The following ROBO1 variants were observed in gnomAD, a reference collection of about 807,000 sequenced individuals.
The protein encoded by ROBO1 is roundabout guidance receptor 1.
ROBO1 carries 149 observed loss-of-function variants against 195.9 expected under a neutral mutation model. The observed-to-expected ratio is 0.76, with a 90% CI of 0.67 to 0.87. ROBO1 has a LOEUF of 0.87. Ranked by LOEUF, ROBO1 falls within the 40% of genes least tolerant of loss-of-function variation. ROBO1 has a pLI of 0.00. For missense variants in ROBO1, 1,933 were observed against 2,068.3 expected (o/e 0.93, Z 1.27); for synonymous variants, 816 against 733.2 (o/e 1.11, Z -1.82).
chr3:78,765,670 T>C (rs2083212312), intron 4 of ROBO1, among the ~76,000 whole-genome samples: 1 of 152,178 alleles, frequency 6.6e-6, no homozygotes, highest in Admixed American at 6.5e-5. Context: ...AAATGCTGTG[T>C]ACTGTAAGAT....
chr3:79,320,697 A>G (rs2033942924), intron 2 of ROBO1, among the ~76,000 whole-genome samples: 1 of 151,962 alleles, frequency 6.6e-6, no homozygotes, highest in Admixed American at 6.6e-5. Flanking sequence ...TATTTTAAAG[A>G]CTCTATTGAT....
At chr3:79,223,409 G>A (rs996643498) in intron 2 of ROBO1, among the ~76,000 whole-genome samples, 3 of 152,000 alleles carry the variant, frequency 2.0e-5, no homozygotes, top group African/African-American at 7.3e-5. Flanking sequence ...TATTATTCGA[G>A]TAAAAGCTAG....
At chr3:79,294,420 C>G (rs562518335) in intron 2 of ROBO1, among the ~76,000 whole-genome samples, 82 of 152,238 alleles carry the variant, frequency 5.4e-4, no homozygotes, top group Middle Eastern at 3.4e-3. Context: ...AACTGGAACC[C>G]TTCCTTACAC....
chr3:78,761,162 G>A (rs1023065143), intron 4 of ROBO1, among the ~76,000 whole-genome samples: 7 of 151,888 alleles, frequency 4.6e-5, no homozygotes, highest in Non-Finnish European at 1.0e-4. Context: ...TTATAATGAG[G>A]AATAAACGGT....
rs545322379 is a variant in ROBO1, at chr3:78,606,209, T to C, written c.4744+524A>G. Among the ~76,000 whole-genome samples, 245 of 152,312 alleles carry C rather than the reference T, an allele frequency of 1.6e-3. 1 individual carries two copies. Among genetic ancestry groups the C allele is most frequent in the Non-Finnish European group, 2.7e-3 (181 of 68,024 alleles). ...CCTAACCACCTTTCTAGTTTTATTT[T>C]TCACCCAGGCTACAGAACAGTTGTG... On this transcript the variant is annotated intron_variant, in intron 29 of 30. Transcript: ENST00000464233.
chr3:78,953,693 C>T (rs534034782), intron 3 of ROBO1, among the ~76,000 whole-genome samples: 40 of 152,082 alleles, frequency 2.6e-4, no homozygotes, highest in Non-Finnish European at 4.4e-4. Context: ...GTAATTAAAA[C>T]TAGAGACTGG....
At chr3:79,570,304 T>C (rs1358917073) in intron 2 of ROBO1, among the ~76,000 whole-genome samples, 1 of 151,350 alleles carries the variant, frequency 6.6e-6, no homozygotes, top group Non-Finnish European at 1.5e-5. Flanking sequence ...AAAAAAACTG[T>C]TTTCTAATTG....
At chr3:78,787,614 A>G (rs572040052) in intron 4 of ROBO1, among the ~76,000 whole-genome samples, 1 of 152,346 alleles carries the variant, frequency 6.6e-6, no homozygotes, top group Non-Finnish European at 1.5e-5. Context: ...TTAGACTTAC[A>G]TATAATACCA....
intron 1 of ROBO1, among the ~76,000 whole-genome samples, chr3:79,697,103 T>C (rs1388350298): frequency 1.3e-5 from 2 of 151,382 alleles, no homozygotes; most frequent in African/African-American, 4.8e-5. Context: ...ACATGGTCCA[T>C]ATGGGTTCTC....
At chr3:78,860,735 T>C (rs1397405008) in intron 4 of ROBO1, among the ~76,000 whole-genome samples, 2 of 152,082 alleles carry the variant, frequency 1.3e-5, no homozygotes, top group Admixed American at 6.5e-5. Context: ...TCCAGAACCC[T>C]TGAGGTATAA....
intron 4 of ROBO1, among the ~76,000 whole-genome samples, chr3:78,815,887 C>T (rs1462799870): frequency 6.6e-6 from 1 of 152,146 alleles, no homozygotes; most frequent in Non-Finnish European, 1.5e-5. Flanking sequence ...TAAATTTCTT[C>T]CAAACTCCTG....
At chr3:79,251,677 G>A (rs144945742) in intron 2 of ROBO1, among the ~76,000 whole-genome samples, 70 of 152,224 alleles carry the variant, frequency 4.6e-4, no homozygotes, top group Middle Eastern at 6.8e-3. Flanking sequence ...CTTGAACCTG[G>A]AAGGCAGAGT....
chr3:79,470,078 C>T (rs772185990), intron 2 of ROBO1, among the ~76,000 whole-genome samples: 2 of 152,000 alleles, frequency 1.3e-5, no homozygotes, highest in Admixed American at 6.6e-5. Flanking sequence ...CATATGTATA[C>T]TAAATCGTGC....
In ROBO1 at chr3:78,600,105, A is replaced by G. The variant is rs771107090; in HGVS notation, c.4941+8T>C. The G allele has an allele frequency of 6.2e-7, 1 of 1,607,478 alleles. No homozygotes were observed. The highest frequency in any genetic ancestry group is 8.5e-7 in the Non-Finnish European group (1 of 1,174,654). ...ACATTGGTAAACTTGGGGAAAAATT[A>G]TAGATACCTCTAATTCTTCATTATT... On this transcript the variant is annotated splice_region_variant and intron_variant, in intron 30 of 30. Coordinates refer to ENST00000464233, the MANE Select transcript of ROBO1 (RefSeq NM_002941.4).
At chr3:79,370,823 C>T (rs2036165707) in intron 2 of ROBO1, among the ~76,000 whole-genome samples, 1 of 151,956 alleles carries the variant, frequency 6.6e-6, no homozygotes, top group African/African-American at 2.4e-5. Flanking sequence ...TGTCCTAATG[C>T]TCTCTCTCCC....
intron 3 of ROBO1, among the ~76,000 whole-genome samples, chr3:79,073,115 A>G (rs2079115829): frequency 1.3e-5 from 2 of 152,152 alleles, no homozygotes; most frequent in Non-Finnish European, 2.9e-5. Flanking sequence ...GCACAGCAAG[A>G]TAACATTTGG....
chr3:79,278,377 A>AAAACAAACAAAC (rs113781391), intron 2 of ROBO1, among the ~76,000 whole-genome samples: 130 of 150,984 alleles, frequency 8.6e-4, no homozygotes, highest in African/African-American at 3.1e-3. Flanking sequence ...AGCAAAAACA[A>AAAACAAACAAAC]AAACAAACAA....
chr3:79,315,051 T>A (rs760172737), intron 2 of ROBO1, among the ~76,000 whole-genome samples: 2 of 152,204 alleles, frequency 1.3e-5, no homozygotes, highest in Non-Finnish European at 2.9e-5. Context: ...TAGGCCCTTA[T>A]GGTCATTGTA....
At chr3:78,840,592 CA>C (rs2033112271) in intron 4 of ROBO1, among the ~76,000 whole-genome samples, 1 of 152,128 alleles carries the variant, frequency 6.6e-6, no homozygotes, top group South Asian at 2.1e-4. Flanking sequence ...TGCAAGGTTA[CA>C]CGGCTAATAA....
Sources: gnomAD v4.1 joint callset for allele counts (sites outside exome capture counted in the v4.1 genomes callset) on GRCh38, gnomAD v4.1.1 for gene constraint, MANE v1.5 for transcripts, NCBI Gene and HGNC (gene_info 2026-07-23, HGNC 2026-07-21) for gene names.